Variants in EIF4G3 observed in about 807,000 individuals in gnomAD.
The protein encoded by EIF4G3 is eIF-4-gamma 3.
Under a neutral mutation model 186.4 loss-of-function variants are expected in EIF4G3, and 34 were observed. The observed-to-expected ratio is 0.18, with a 90% CI of 0.14 to 0.24. The LOEUF (loss-of-function observed/expected upper bound fraction) is 0.24, where lower values mean the gene tolerates loss of function less well. EIF4G3 is among the 10% of genes least tolerant of loss of function. The pLI is 1.00. For missense variants in EIF4G3, 1,536 were observed against 1,948.5 expected, an observed-to-expected ratio of 0.79 and a Z score of 3.99; for synonymous variants, 673 against 679.5, an observed-to-expected ratio of 0.99 and a Z score of 0.15.
intron 14 of EIF4G3, among the ~76,000 whole-genome samples, chr1:20,910,310 G>A (rs1390969359): frequency 6.6e-6 from 1 of 152,126 alleles, no homozygotes; most frequent in Non-Finnish European, 1.5e-5. Context: ...TCTTGGCTGG[G>A]CATGGTGGCT....
At chr1:20,806,376 T>C (rs2058135161), downstream of EIF4G3, 1 of 152,562 alleles carries the variant, frequency 6.6e-6, no homozygotes, top group Admixed American at 6.5e-5. Flanking sequence ...TTTATCTCTC[T>C]CCCCTCAGGA....
At chr1:21,002,593 A>G (rs1484079137) in intron 5 of EIF4G3, 120 bp downstream of exon 5, 1 of 1,024,664 alleles carries the variant, frequency 9.8e-7, no homozygotes, top group South Asian at 1.9e-5. Flanking sequence ...TCATAATAAT[A>G]AATCATCTTT....
At chr1:20,973,739 A>G (rs1451954498) in intron 10 of EIF4G3, among the ~76,000 whole-genome samples, 1 of 152,214 alleles carries the variant, frequency 6.6e-6, no homozygotes, top group East Asian at 1.9e-4. Context: ...ACCTACTCCT[A>G]ACTCCTATCC....
At chr1:20,969,650 T>G in intron 11 of EIF4G3, 54 bp from the exon 12 acceptor site, 1 of 1,576,976 alleles carries the variant, frequency 6.3e-7, no homozygotes, top group Admixed American at 1.7e-5. Flanking sequence ...TGTAGCAAAT[T>G]TATAGGCATA....
rs35618300 is a variant in EIF4G3, at chr1:20,811,254, TTTCTTC to T, written c.4598-376_4598-371del. 1.2e-4 allele frequency among the ~76,000 whole-genome samples: 18 copies of T among 150,806 alleles called. No homozygotes were observed. In the East Asian group the frequency reaches 2.1e-3, roughly 18 times the overall value. Reference sequence around the variant, plus strand: ...CAGGCATGAGCCACTGCTCCTGGCCTTTCTTCTTCTTCTTCTTCTTCTATTTTAGAT... The same window carrying T: ...CAGGCATGAGCCACTGCTCCTGGCCTTTCTTCTTCTTCTTCTATTTTAGAT... On this transcript the variant is annotated intron_variant, in intron 35 of 36. Transcript: ENST00000602326.
intron 29 of EIF4G3, chr1:20,847,918 T>C (rs2071728023): frequency 4.4e-6 from 2 of 454,074 alleles, no homozygotes; most frequent in Non-Finnish European, 9.0e-6. Flanking sequence ...GTGATTTTTA[T>C]ATGTGGAAAG....
intron 22 of EIF4G3, among the ~76,000 whole-genome samples, chr1:20,862,675 C>T (rs923152892): frequency 1.3e-5 from 2 of 152,140 alleles, no homozygotes; most frequent in African/African-American, 2.4e-5. Context: ...GGCCTCTCAA[C>T]GTGCTGGAAT....
At chr1:20,812,737 TA>T (rs2059504911) in intron 35 of EIF4G3, among the ~76,000 whole-genome samples, 1 of 152,210 alleles carries the variant, frequency 6.6e-6, no homozygotes, top group African/African-American at 2.4e-5. Context: ...AAACTGTTGA[TA>T]TTTTTTTCTT....
chr1:21,063,786 T>C (rs887313002), intron 3 of EIF4G3, among the ~76,000 whole-genome samples: 2 of 150,246 alleles, frequency 1.3e-5, no homozygotes, highest in African/African-American at 4.9e-5. Flanking sequence ...CTTGGCTCAC[T>C]GCAACCTCCG....
intron 2 of EIF4G3, among the ~76,000 whole-genome samples, chr1:21,139,301 AC>A (rs1231596750): frequency 6.6e-6 from 1 of 152,102 alleles, no homozygotes; most frequent in Admixed American, 6.5e-5. Context: ...AAAAATCTTA[AC>A]AAGAAGGCTG....
chr1:21,017,329 TAGA>T (rs2089401784), intron 4 of EIF4G3, among the ~76,000 whole-genome samples: 1 of 151,878 alleles, frequency 6.6e-6, no homozygotes, highest in African/African-American at 2.4e-5. Flanking sequence ...AATGGGGAGT[TAGA>T]AGTTTAGTGT....
At chr1:20,945,537 C>T (rs2095902069) in intron 13 of EIF4G3, among the ~76,000 whole-genome samples, 1 of 152,152 alleles carries the variant, frequency 6.6e-6, no homozygotes, top group Non-Finnish European at 1.5e-5. Context: ...GTGATCTCAG[C>T]TCACCGTGAC....
intron 20 of EIF4G3, among the ~76,000 whole-genome samples, chr1:20,875,113 G>A (rs983917603): frequency 7.3e-4 from 12 of 16,452 alleles, no homozygotes; most frequent in African/African-American, 8.5e-4. Flanking sequence ...CTAGTAGCTG[G>A]GACTACAGGT....
intron 12 of EIF4G3, among the ~76,000 whole-genome samples, chr1:20,954,859 C>T (rs1022096982): frequency 1.3e-5 from 2 of 152,078 alleles, no homozygotes; most frequent in Admixed American, 6.6e-5. Flanking sequence ...CAAAGATGAC[C>T]CATAATCTGG....
chr1:21,007,538 C>CAAAAAAAAAAAAAAAAACA (rs1471121881), intron 4 of EIF4G3, among the ~76,000 whole-genome samples: 1 of 58,488 alleles, frequency 1.7e-5, no homozygotes, highest in Non-Finnish European at 3.4e-5. Flanking sequence ...AAAAAAAAAA[C>CAAAAAAAAAAAAAAAAACA]ACACTCAAAA....
chr1:21,039,087 C>T lies in EIF4G3; in HGVS notation c.-67+11779G>A, dbSNP rs565121831. Among the ~76,000 whole-genome samples the T allele has an allele frequency of 1.2e-4, 19 of 152,216 alleles. No individual in the cohort carries two copies. The South Asian group carries it at 2.5e-3, about 20-fold the overall frequency. On this transcript the variant is annotated intron_variant, in intron 4 of 36. Coordinates refer to ENST00000602326, the MANE Select transcript of EIF4G3 (RefSeq NM_001391906.1). ...AAGAATCAAGTCAGTATGGTACTGGCATACAGACAGACATACAGAGCAATG... is the reference window on the plus strand; with the variant it reads ...AAGAATCAAGTCAGTATGGTACTGGTATACAGACAGACATACAGAGCAATG...
chr1:20,976,891 G>C (rs2076959554), intron 10 of EIF4G3, among the ~76,000 whole-genome samples: 2 of 151,828 alleles, frequency 1.3e-5, no homozygotes, highest in South Asian at 4.1e-4. Flanking sequence ...CTAAAAATTA[G>C]GTATCATAAA....
Position 21,001,208 on chromosome 1 carries a change from T to C in EIF4G3, c.135A>G (p.Lys45=). The C allele has an allele frequency of 2.1e-6, 1 of 471,578 alleles. No individual in the cohort carries two copies. The highest frequency in any genetic ancestry group is 1.5e-5 in the South Asian group (1 of 64,570). 29.2% of individuals were successfully genotyped at this position (471,578 alleles called of 1,614,324 possible). A position where few individuals can be genotyped will look rare whatever the true frequency, so the allele number is the denominator to read the frequency against. ...YRSLAGRGWI[K]YCIFAAGPRP... ...TTGTTATATTGCTTACAATGCAGTA[T>C]TTTATCCAGCCTCTTCCAGCCAAGG... Residue 45 remains lysine (K), a synonymous_variant, in exon 6 of 37, where the codon AAA becomes AAG. Transcript: ENST00000602326.
chr1:21,115,001 G>GA (rs1359066682), intron 2 of EIF4G3, among the ~76,000 whole-genome samples: 10 of 151,956 alleles, frequency 6.6e-5, no homozygotes, highest in African/African-American at 1.2e-4. Flanking sequence ...CATCTCTACG[G>GA]AAAAAAACCT....
Sources: allele counts gnomAD v4.1 joint callset (sites outside exome capture counted in the v4.1 genomes callset), GRCh38; gene constraint gnomAD v4.1.1; transcripts MANE v1.5; gene names NCBI Gene and HGNC (gene_info 2026-07-23, HGNC 2026-07-21).